DPP8: variants seen among roughly 807,000 people sequenced by gnomAD.
The protein encoded by DPP8 is DPP VIII.
A neutral mutation model predicts 107.5 loss-of-function variants in DPP8; 31 were observed. The observed-to-expected ratio is 0.29, with a 90% confidence interval of 0.22 to 0.39. The LOEUF (loss-of-function observed/expected upper bound fraction) is 0.39, where lower values mean the gene tolerates loss of function less well. Among genes scored for constraint, DPP8 ranks in the 10% least tolerant of loss-of-function variants. The pLI is 1.00. For synonymous variants in DPP8, 381 were observed against 356.6 expected (o/e 1.07, Z -0.77); for missense variants, 842 against 1,076.1 (o/e 0.78, Z 3.04).
intron 8 of DPP8, among the ~76,000 whole-genome samples, chr15:65,482,055 C>T (rs1395428905): frequency 6.6e-6 from 1 of 151,388 alleles, no homozygotes; most frequent in African/African-American, 2.4e-5. Context: ...TTTTTTGAGA[C>T]AAGGTCTCAT....
chr15:65,516,626 C>T (rs1202695634), intron 1 of DPP8: 1 of 152,172 alleles, frequency 6.6e-6, no homozygotes, highest in African/African-American at 2.4e-5. Context: ...GCACTAAGCC[C>T]CTCACTCAGA....
In DPP8 at chr15:65,463,842, C is replaced by T. The variant is rs1258740556; in HGVS notation, c.1890G>A (p.Leu630=). 6.2e-7 allele frequency: 1 copy of T among 1,605,818 alleles called. No individual in the cohort carries two copies. Among genetic ancestry groups the T allele is most frequent in the East Asian group, 2.2e-5 (1 of 44,786 alleles). Residue 630 remains leucine (L), a synonymous_variant, in exon 15 of 20, where the codon TTG becomes TTA. Coordinates refer to ENST00000300141, the MANE Select transcript of DPP8 (RefSeq NM_130434.5). ...FSFESTTGFT[L]YGMLYKPHDL... Reference sequence around the variant, plus strand: ...CATGAGGCTTGTAGAGCATCCCATACAATGTAAATCCAGTAGTACTTTCAA... The same window carrying T: ...CATGAGGCTTGTAGAGCATCCCATATAATGTAAATCCAGTAGTACTTTCAA...
intron 8 of DPP8, among the ~76,000 whole-genome samples, chr15:65,482,436 C>G (rs939288385): frequency 6.6e-6 from 1 of 152,112 alleles, no homozygotes; most frequent in South Asian, 2.1e-4. Context: ...TATATACCAC[C>G]ACGCCCAGCT....
At chr15:65,459,868 T>C (rs1451028106) in intron 15 of DPP8, among the ~76,000 whole-genome samples, 1 of 152,094 alleles carries the variant, frequency 6.6e-6, no homozygotes, top group Non-Finnish European at 1.5e-5. Context: ...GGCAAAAGAA[T>C]TGCTTGAACC....
intron 12 of DPP8, among the ~76,000 whole-genome samples, chr15:65,468,978 T>C (rs1406507281): frequency 6.6e-6 from 1 of 152,078 alleles, no homozygotes; most frequent in East Asian, 1.9e-4. Flanking sequence ...GAATGTGCAT[T>C]TCTTTTTGCT....
In DPP8 at chr15:65,454,383, T is replaced by C. The variant is rs1203732406; in HGVS notation, c.2151A>G (p.Gly717=). The C allele has an allele frequency of 6.3e-7, 1 of 1,597,600 alleles. No homozygotes were observed. The highest frequency in any genetic ancestry group is 1.4e-5 in the African/African-American group (1 of 73,740). ...GQIEIDDQVE[G]LQYLASRYDF... ...CATATCGAGAAGCTAGATATTGGAGTCCTTCCACCTGATCGTCAATTTCTA... is the reference window on the plus strand; with the variant it reads ...CATATCGAGAAGCTAGATATTGGAGCCCTTCCACCTGATCGTCAATTTCTA... Residue 717 remains glycine, a synonymous_variant, in exon 17 of 20, where the codon GGA becomes GGG. Transcript: ENST00000300141.
At chr15:65,500,519 GGTTT>G in intron 4 of DPP8, 83 bp downstream of exon 4, 5 of 1,013,334 alleles carry the variant, frequency 4.9e-6, no homozygotes, top group Non-Finnish European at 7.3e-6. Context: ...TGAAGTTGCT[GGTTT>G]GTTTATTAAT....
chr15:65,447,083 G>T (rs184767704), intron 19 of DPP8, 77 bp from the exon 20 acceptor site: 2 of 1,169,028 alleles, frequency 1.7e-6, no homozygotes, highest in Admixed American at 2.5e-5. Context: ...GCTTTCCAGA[G>T]ATTTTTAACA....
chr15:65,489,960 C>T (rs895409330), intron 6 of DPP8, among the ~76,000 whole-genome samples: 5 of 151,900 alleles, frequency 3.3e-5, no homozygotes, highest in African/African-American at 4.8e-5. Flanking sequence ...CTCGGGTGAT[C>T]CGCCTGCCTC....
At chr15:65,479,512 A>T (rs915849664) in intron 10 of DPP8, among the ~76,000 whole-genome samples, 6 of 152,146 alleles carry the variant, frequency 3.9e-5, no homozygotes, top group African/African-American at 1.4e-4. Context: ...TCTTATTTAA[A>T]TTTGTCTGCT....
rs2070896491 is a variant in DPP8 at position 65,512,351 on chromosome 15, A to T, written c.203T>A (p.Met68Lys). 6.2e-7 allele frequency: 1 copy of T among 1,614,064 alleles called. No homozygotes were observed. The highest frequency in any genetic ancestry group is 8.5e-7 in the Non-Finnish European group (1 of 1,180,020). The change falls in exon 2 of 20, where the codon ATG becomes AAG. Residue 68 changes from methionine to lysine, a missense_variant. Physicochemically the swap from Met to Lys is moderately conservative, Grantham distance 95. Around this residue, in one of 2 missense-constraint regions of DPP8, gnomAD observed 663 missense variants for 758.0 expected, o/e 0.87. Transcript: ENST00000300141. The part of the protein sequence containing the change: ...YMMAKAPHDF[M>K]FVKRNDPDGP... ...ATCTGGATCATTCCTCTTCACAAAC[A>T]TGAAATCATGTGGTGCCTTAGCCAT... is the stretch of plus-strand genomic sequence containing the variant.
At chr15:65,451,160 G>A in intron 18 of DPP8, 50 bp from the exon 19 acceptor site, 1 of 1,080,948 alleles carries the variant, frequency 9.3e-7, no homozygotes, top group Non-Finnish European at 1.4e-6. Flanking sequence ...AGAGTATTTG[G>A]GAAAACCATT....
At chr15:65,517,038 GA>G in intron 1 of DPP8, 1 of 153,148 alleles carries the variant, frequency 6.5e-6, no homozygotes, top group East Asian at 1.9e-4. Context: ...AGGCAGGAGA[GA>G]AAAAAGACCA....
chr15:65,452,555 A>G (rs1199578114), intron 17 of DPP8, among the ~76,000 whole-genome samples: 2 of 152,088 alleles, frequency 1.3e-5, no homozygotes, highest in Admixed American at 1.3e-4. Flanking sequence ...TAAATACTCT[A>G]TTTTCTTGAC....
intron 15 of DPP8, among the ~76,000 whole-genome samples, chr15:65,462,992 G>C (rs1181339804): frequency 6.6e-6 from 1 of 152,160 alleles, no homozygotes; most frequent in Non-Finnish European, 1.5e-5. Context: ...TAGTAGTATA[G>C]CAGTTGCCTT....
At chr15:65,473,909 C>T (rs2066141585) in intron 12 of DPP8, among the ~76,000 whole-genome samples, 1 of 152,074 alleles carries the variant, frequency 6.6e-6, no homozygotes, top group East Asian at 1.9e-4. Flanking sequence ...TGAGACCAGC[C>T]TGGCCAACAT....
At position 65,478,963 on chromosome 15, in the gene DPP8, G is replaced by C; in HGVS notation, c.1373C>G (p.Thr458Arg). ...AATTTTGTATAAATGACGGAAACCT[G>C]TTTTGCATTCAGAGGCAAAAATAAA... ...IEFIFASECKTGFRHLYKITS... is the reference protein window; with the variant it reads ...IEFIFASECKRGFRHLYKITS... The change falls in exon 11 of 20, where the codon ACA (threonine) becomes AGA (arginine). Residue 458 changes from threonine (T) to arginine (R), a missense_variant. This residue lies in a region of DPP8 where 663 missense variants were observed against 758.0 expected (regional missense o/e 0.87). Transcript: ENST00000300141. 3 of 1,592,696 alleles carry C rather than the reference G, an allele frequency of 1.9e-6. No homozygotes were observed. Among genetic ancestry groups the C allele is most frequent in the Non-Finnish European group, 2.6e-6 (3 of 1,171,512 alleles).
chr15:65,515,720 A>C, intron 1 of DPP8: 1 of 1,611,542 alleles, frequency 6.2e-7, no homozygotes, highest in Non-Finnish European at 8.5e-7. Flanking sequence ...AAGTGACTCG[A>C]CTTCAAGCAT....
At chr15:65,499,079 G>GTA (rs1232770866) in intron 4 of DPP8, among the ~76,000 whole-genome samples, 3 of 101,090 alleles carry the variant, frequency 3.0e-5, no homozygotes, top group Non-Finnish European at 4.3e-5. Flanking sequence ...AAGTGTGTGT[G>GTA]TGTGTGTGTG....
Sources: gnomAD v4.1 joint callset for allele counts (sites outside exome capture counted in the v4.1 genomes callset) on GRCh38, gnomAD v4.1.1 for gene constraint, gnomAD v4.1.1 regional missense constraint, MANE v1.5 for transcripts, NCBI Gene and HGNC (gene_info 2026-07-23, HGNC 2026-07-21) for gene names.